The following SLC13A1 variants were observed in gnomAD, a reference collection of about 807,000 sequenced individuals.
SLC13A1 encodes the protein Na(+)/sulfate cotransporter.
Under a neutral mutation model 70.0 loss-of-function variants are expected in SLC13A1, and 65 were observed. That is an observed-to-expected ratio of 0.93 (90% confidence interval 0.76 to 1.14). The LOEUF is 1.14. Ranked by LOEUF, SLC13A1 falls within the 50% of genes most tolerant of loss-of-function variation. SLC13A1 has a pLI of 0.00. For missense variants in SLC13A1, 726 were observed against 717.8 expected (o/e 1.01, Z -0.13); for synonymous variants, 275 against 250.5 (o/e 1.10, Z -0.92).
In SLC13A1 at chr7:123,151,130, C is replaced by A. The variant is rs1360408249; in HGVS notation, c.661-3820G>T. ...CTTGAGGTCAGGAATTCTAGACCAG[C>A]CTGGCCAACATGGTGAAACCCTGTC... On this transcript the variant is annotated intron_variant, in intron 6 of 14. Coordinates refer to ENST00000194130, the MANE Select transcript of SLC13A1 (RefSeq NM_022444.4). Among the ~76,000 whole-genome samples, 6 of 151,898 alleles carry A rather than the reference C, an allele frequency of 4.0e-5. No homozygotes were observed. In the East Asian group the frequency reaches 1.2e-3, roughly 30 times the overall value.
At chr7:123,189,613 G>A (rs150857622) in intron 1 of SLC13A1, among the ~76,000 whole-genome samples, 351 of 152,142 alleles carry the variant, frequency 2.3e-3, no homozygotes, top group African/African-American at 7.7e-3. Flanking sequence ...CAGAATCTAT[G>A]AAGTAAGATA....
rs1793130471 is a variant in SLC13A1 at position 123,114,962 on chromosome 7, T to G, written c.*556A>C. The G allele has an allele frequency of 6.6e-6, 1 of 152,254 alleles. No homozygotes were observed. Among genetic ancestry groups the G allele is most frequent in the Non-Finnish European group, 1.5e-5 (1 of 68,064 alleles). The allele number at this position is 152,254 out of a possible 1,614,324, so 9.4% of individuals were successfully genotyped here. On this transcript the variant is annotated 3_prime_UTR_variant, in exon 15 of 15. Coordinates refer to ENST00000194130, the MANE Select transcript of SLC13A1 (RefSeq NM_022444.4). ...TCATATTACATGTATATATTAAGAA[T>G]AATCCAATTGGATTTTTTAAATGAG...
chr7:123,123,575 T>C (rs1793461058), intron 11 of SLC13A1, among the ~76,000 whole-genome samples: 1 of 152,208 alleles, frequency 6.6e-6, no homozygotes. Flanking sequence ...AATAGCACAG[T>C]GCATTAGACT....
chr7:123,187,768 T>C (rs774028978), intron 1 of SLC13A1, among the ~76,000 whole-genome samples: 12 of 152,274 alleles, frequency 7.9e-5, no homozygotes, highest in Non-Finnish European at 1.5e-4. Context: ...TACTTCATTT[T>C]AATAGATGTA....
In SLC13A1 at chr7:123,119,070, G is replaced by A. The variant is rs1238992269; in HGVS notation, c.1512+11C>T. On this transcript the variant is annotated intron_variant, in intron 13 of 14. Coordinates refer to ENST00000194130, the MANE Select transcript of SLC13A1 (RefSeq NM_022444.4). The stretch of plus-strand genomic sequence containing the variant: ...AATGAAGAGTAAAAAGGGGATAAAT[G>A]AGATACTCACCAATGGAGATAATAT... 6.2e-7 allele frequency: 1 copy of A among 1,608,562 alleles called. No homozygotes were observed. Among genetic ancestry groups the A allele is most frequent in the Non-Finnish European group, 8.5e-7 (1 of 1,176,634 alleles).
chr7:123,125,624 T>C lies in SLC13A1; in HGVS notation c.1185A>G (p.Leu395=), dbSNP rs776679132. The C allele has an allele frequency of 2.5e-6, 4 of 1,613,486 alleles. No individual in the cohort carries two copies. Among genetic ancestry groups the C allele is most frequent in the Admixed American group, 1.7e-5 (1 of 59,952 alleles). ...DSTVALLIGL[L]FFLIPAKTLT... ...GTGTCTTAGCTGGGATAAGAAAGAA[T>C]AGCAGCCCTATAAGTAAAGCAACAG... Residue 395 remains leucine (L), a synonymous_variant, in exon 11 of 15, where the codon CTA becomes CTG. Transcript: ENST00000194130.
Position 123,115,075 on chromosome 7 carries a change from A to G in SLC13A1, c.*443T>C, listed in dbSNP as rs1793134315. On this transcript the variant is annotated 3_prime_UTR_variant, in exon 15 of 15. Transcript: ENST00000194130. ...TTCTCAGCAAATTCTCTGGAACAAC[A>G]ATGCAGAAATGATTTATCCAAGTAC... The G allele has an allele frequency of 6.6e-6, 1 of 152,666 alleles. No individual in the cohort carries two copies. The highest frequency in any genetic ancestry group is 2.4e-5 in the African/African-American group (1 of 41,474). The allele number at this position is 152,666 out of a possible 1,614,324, so 9.5% of individuals were successfully genotyped here. A position where few individuals can be genotyped will look rare whatever the true frequency, so the allele number is the denominator to read the frequency against.
chr7:123,177,217 C>G (rs1465815413), intron 2 of SLC13A1, among the ~76,000 whole-genome samples: 13 of 152,090 alleles, frequency 8.5e-5, no homozygotes, highest in Non-Finnish European at 1.8e-4. Flanking sequence ...GCATCTTTGA[C>G]ACTTTTCTTC....
chr7:123,197,023 G>A (rs1043627678), intron 1 of SLC13A1, among the ~76,000 whole-genome samples: 3 of 152,112 alleles, frequency 2.0e-5, no homozygotes, highest in Non-Finnish European at 2.9e-5. Flanking sequence ...TTGTGATGGA[G>A]GTTAAATAAG....
At position 123,195,036 on chromosome 7, in the gene SLC13A1, T is replaced by C. The variant is rs534892038; in HGVS notation, c.99+4812A>G. Among the ~76,000 whole-genome samples the C allele has an allele frequency of 2.0e-5, 3 of 152,304 alleles. No homozygotes were observed. In the East Asian group the frequency reaches 5.8e-4, roughly 29 times the overall value. On this transcript the variant is annotated intron_variant, in intron 1 of 14. Transcript: ENST00000194130. ...TATTTGTCATACTATATAATGACTT[T>C]CCAGCAATTCTGCAAGCTACATAAA... is the stretch of plus-strand genomic sequence containing the variant.
chr7:123,118,326 T>C (rs1416094972), intron 13 of SLC13A1, among the ~76,000 whole-genome samples: 3 of 152,180 alleles, frequency 2.0e-5, no homozygotes, highest in Non-Finnish European at 4.4e-5. Flanking sequence ...CAAAATGATA[T>C]TGTACCAATA....
intron 1 of SLC13A1, among the ~76,000 whole-genome samples, chr7:123,194,289 G>A (rs1484429141): frequency 2.0e-5 from 3 of 152,052 alleles, no homozygotes; most frequent in Non-Finnish European, 4.4e-5. Context: ...CTAGGAGGAG[G>A]ATATAGCGTG....
chr7:123,168,255 C>A, intron 6 of SLC13A1, 119 bp downstream of exon 6: 1 of 659,026 alleles, frequency 1.5e-6, no homozygotes, highest in South Asian at 2.2e-5. Flanking sequence ...ACTGCTTAGT[C>A]AAGCAAAATA....
At chr7:123,169,087 T>G in intron 4 of SLC13A1, 61 bp downstream of exon 4, 9 of 1,478,902 alleles carry the variant, frequency 6.1e-6, no homozygotes, top group Non-Finnish European at 7.5e-6. Context: ...TTAGAATTCT[T>G]GAGTTTATGT....
intron 1 of SLC13A1, among the ~76,000 whole-genome samples, chr7:123,184,050 C>T (rs1265631378): frequency 6.6e-6 from 1 of 152,184 alleles, no homozygotes; most frequent in Non-Finnish European, 1.5e-5. Context: ...TGAAAATTGC[C>T]CCCTTTTTTC....
chr7:123,162,511 G>A (rs1166706542), intron 6 of SLC13A1, among the ~76,000 whole-genome samples: 1 of 152,046 alleles, frequency 6.6e-6, no homozygotes. Flanking sequence ...GAAACCCTAG[G>A]TTGAGTCAGG....
Position 123,115,407 on chromosome 7 carries a change from A to T in SLC13A1, c.*111T>A. On this transcript the variant is annotated 3_prime_UTR_variant, in exon 15 of 15. Coordinates refer to ENST00000194130, the MANE Select transcript of SLC13A1 (RefSeq NM_022444.4). ...GGTATTCACAGGAATTGCAGCAGCT[A>T]CACCATAACTGATTTAAATGTGTGT... The T allele has an allele frequency of 1.8e-6, 2 of 1,113,984 alleles. No individual in the cohort carries two copies. The highest frequency in any genetic ancestry group is 2.6e-6 in the Non-Finnish European group (2 of 778,450). The allele number at this position is 1,113,984 out of a possible 1,614,324, so 69.0% of individuals were successfully genotyped here.
chr7:123,127,940 A>G (rs537586093), intron 10 of SLC13A1, among the ~76,000 whole-genome samples: 2 of 149,372 alleles, frequency 1.3e-5, no homozygotes, highest in East Asian at 4.0e-4. Context: ...TCAGTGAAAG[A>G]TAGATTGGGA....
At chr7:123,125,151 T>G (rs544130482) in intron 11 of SLC13A1, among the ~76,000 whole-genome samples, 68 of 152,328 alleles carry the variant, frequency 4.5e-4, no homozygotes, top group Non-Finnish European at 7.8e-4. Flanking sequence ...CAGAACTACT[T>G]TGAGAATGTA....
Sources: allele counts gnomAD v4.1 joint callset (sites outside exome capture counted in the v4.1 genomes callset), GRCh38; gene constraint gnomAD v4.1.1; transcripts MANE v1.5; gene names NCBI Gene and HGNC (gene_info 2026-07-23, HGNC 2026-07-21).